ANK3: variants seen among roughly 807,000 people sequenced by gnomAD.
ANK3 encodes the protein ankyrin 3, also known as ankyrin-3.
In ANK3, 57 loss-of-function variants were observed where a neutral mutation model predicts 370.9. The ratio of observed to expected loss-of-function variants is 0.15; its 90% CI spans 0.12 to 0.19. The LOEUF (loss-of-function observed/expected upper bound fraction) is 0.19. Ranked by LOEUF, ANK3 falls within the 10% of genes least tolerant of loss-of-function variation. The pLI is 1.00. For missense variants in ANK3, 4,439 were observed against 5,302.1 expected (o/e 0.84, Z 5.06); for synonymous variants, 1,929 against 1,946.3 (o/e 0.99, Z 0.23).
chr10:60,219,633 C>T (rs935637992), intron 8 of ANK3, among the ~76,000 whole-genome samples: 1 of 152,114 alleles, frequency 6.6e-6, no homozygotes, highest in Non-Finnish European at 1.5e-5. Flanking sequence ...GCCCCAATCC[C>T]GCTGGAGAAG....
intron 4 of ANK3, among the ~76,000 whole-genome samples, chr10:60,278,147 A>C (rs1592939039): frequency 6.6e-6 from 1 of 152,326 alleles, no homozygotes; most frequent in East Asian, 1.9e-4. Context: ...ATTACAAAGA[A>C]TCTGAAAATT....
chr10:60,677,747 C>A lies in ANK3; in HGVS notation c.57+55516G>T, dbSNP rs1292554775. On this transcript the variant is annotated intron_variant, in intron 1 of 43. Coordinates refer to the ANK3 transcript ENST00000373827. ...AAAGCTGTTTCTCACAACCTCACCT[C>A]GAGACTGAATCCCAAACTAATCCTT... 2.0e-5 allele frequency among the ~76,000 whole-genome samples: 3 copies of A among 147,014 alleles called. No individual in the cohort carries two copies. The South Asian group carries it at 6.5e-4, about 32-fold the overall frequency.
At chr10:60,577,073 A>G (rs189284052) in intron 2 of ANK3, among the ~76,000 whole-genome samples, 13 of 152,290 alleles carry the variant, frequency 8.5e-5, no homozygotes, top group Admixed American at 8.5e-4. Flanking sequence ...TTTCATGAAA[A>G]CTTCCCTGTG....
intron 2 of ANK3, among the ~76,000 whole-genome samples, chr10:60,608,158 A>G (rs547321346): frequency 9.8e-5 from 15 of 152,308 alleles, no homozygotes; most frequent in South Asian, 6.2e-4. Flanking sequence ...AATCAAGCCA[A>G]TTTCACAGAA....
At chr10:60,476,915 G>C (rs572971765) in intron 2 of ANK3, among the ~76,000 whole-genome samples, 18 of 152,214 alleles carry the variant, frequency 1.2e-4, no homozygotes, top group Non-Finnish European at 2.6e-4. Context: ...ATAGAGAGAA[G>C]TTTTTCTCCT....
chr10:60,313,035 C>T (rs147245123), intron 1 of ANK3, among the ~76,000 whole-genome samples: 12 of 152,304 alleles, frequency 7.9e-5, no homozygotes, highest in African/African-American at 2.4e-4. Flanking sequence ...AGGCCAGTCC[C>T]GGTAGCTATG....
At chr10:60,186,525 T>C (rs757505615) in intron 17 of ANK3, 190 bp downstream of exon 17, 167 of 693,352 alleles carry the variant, frequency 2.4e-4, no homozygotes, top group Admixed American at 7.0e-4. Context: ...GCATTGACCA[T>C]TTTTCTTATT....
At chr10:60,041,642 C>T (rs11818550) in intron 43 of ANK3, among the ~76,000 whole-genome samples, 130 of 152,298 alleles carry the variant, frequency 8.5e-4, no homozygotes, top group African/African-American at 3.0e-3. Context: ...CTCTGCAGTT[C>T]TGAGTGGTCT....
chr10:60,709,558 T>C (rs1214138021), intron 1 of ANK3, among the ~76,000 whole-genome samples: 1 of 151,944 alleles, frequency 6.6e-6, no homozygotes, highest in Admixed American at 6.6e-5. Context: ...GAAAATAAAA[T>C]GTTATTAAGA....
intron 28 of ANK3, among the ~76,000 whole-genome samples, chr10:60,105,290 G>C (rs1188872952): frequency 2.0e-5 from 3 of 151,706 alleles, no homozygotes; most frequent in Non-Finnish European, 4.4e-5. Context: ...TGTCTACTAA[G>C]AAAAATTGCT....
At chr10:60,514,928 G>T (rs1199374501) in intron 2 of ANK3, among the ~76,000 whole-genome samples, 1 of 152,098 alleles carries the variant, frequency 6.6e-6, no homozygotes, top group Non-Finnish European at 1.5e-5. Flanking sequence ...AGAGAGTTGT[G>T]TCTTTGGTTG....
chr10:60,037,905 C>G (rs1384986949), intron 43 of ANK3, among the ~76,000 whole-genome samples: 1 of 152,178 alleles, frequency 6.6e-6, no homozygotes, highest in Non-Finnish European at 1.5e-5. Flanking sequence ...ATTTGCACTC[C>G]CACCAATAGT....
intron 2 of ANK3, among the ~76,000 whole-genome samples, chr10:60,588,271 GC>G (rs1250923997): frequency 1.3e-5 from 2 of 150,812 alleles, no homozygotes; most frequent in Non-Finnish European, 3.0e-5. Context: ...TACAACCTCT[GC>G]CTCCCGGGTT....
At chr10:60,448,006 C>A (rs1236738556) in intron 2 of ANK3, among the ~76,000 whole-genome samples, 1 of 152,148 alleles carries the variant, frequency 6.6e-6, no homozygotes, top group Non-Finnish European at 1.5e-5. Flanking sequence ...GGCAGATAGG[C>A]TCCCCCTGCC....
rs1452999366 is a variant in ANK3 at position 60,075,081 on chromosome 10, G to A, written c.5800C>T (p.Pro1934Ser). 6.2e-7 allele frequency: 1 copy of A among 1,613,950 alleles called. No homozygotes were observed. Among genetic ancestry groups the A allele is most frequent in the Middle Eastern group, 1.7e-4 (1 of 6,060 alleles). The change falls in exon 37 of 44, where the codon CCA becomes TCA. Residue 1934 changes from proline to serine, a missense_variant. Transcript: ENST00000280772. ...PEEKPFQPELPKEGRIDDEEP... is the reference protein window; with the variant it reads ...PEEKPFQPELSKEGRIDDEEP... The stretch of plus-strand genomic sequence containing the variant: ...TCATCATCTATTCTCCCTTCCTTTG[G>A]GAGTTCAGGTTGGAATGGCTTCTCC...
intron 2 of ANK3, chr10:60,573,045 A>G (rs529470136): frequency 2.0e-6 from 2 of 981,272 alleles, no homozygotes; most frequent in Non-Finnish European, 2.4e-6. Flanking sequence ...CCGTGCTGCT[A>G]GCCTCCCATA....
At chr10:60,471,684 A>T (rs1490920918) in intron 2 of ANK3, among the ~76,000 whole-genome samples, 1 of 152,158 alleles carries the variant, frequency 6.6e-6, no homozygotes, top group Non-Finnish European at 1.5e-5. Flanking sequence ...TTCAAGAATA[A>T]CATTTTAAAA....
At chr10:60,466,745 C>T (rs2065020704) in intron 2 of ANK3, among the ~76,000 whole-genome samples, 1 of 152,144 alleles carries the variant, frequency 6.6e-6, no homozygotes, top group African/African-American at 2.4e-5. Context: ...GAATGAAATA[C>T]TGATGCATGC....
chr10:60,166,480 A>G lies in ANK3; in HGVS notation c.2614+111T>C, dbSNP rs2095626971. ...AAATAATACACAAATTAATAATCTC[A>G]AGATAATATGAAAAGTTAGTAACTC... On this transcript the variant is annotated intron_variant, in intron 23 of 43. Transcript: ENST00000280772. 7.4e-6 allele frequency: 6 copies of G among 809,024 alleles called. No homozygotes were observed. The South Asian group carries it at 8.6e-5, about 12-fold the overall frequency. 50.1% of individuals were successfully genotyped at this position (809,024 alleles called of 1,614,324 possible).
Sources: allele counts gnomAD v4.1 joint callset (sites outside exome capture counted in the v4.1 genomes callset), GRCh38; gene constraint gnomAD v4.1.1; transcripts MANE v1.5; gene names NCBI Gene and HGNC (gene_info 2026-07-23, HGNC 2026-07-21).